GPCPD1: variants seen among roughly 807,000 people sequenced by gnomAD.
GPCPD1 encodes glycerophosphocholine phosphodiesterase GPCPD1.
A neutral mutation model predicts 89.2 loss-of-function variants in GPCPD1; 29 were observed. The observed-to-expected ratio is 0.33, with a 90% confidence interval of 0.24 to 0.44. GPCPD1 has a LOEUF of 0.44. Ranked by LOEUF, GPCPD1 falls within the 20% of genes least tolerant of loss-of-function variation. The probability of loss-of-function intolerance (pLI) is 1.00; values close to 1 mark genes in which losing one functional copy is unlikely to be tolerated. For missense variants in GPCPD1, 594 were observed against 808.9 expected (o/e 0.73, Z 3.22); for synonymous variants, 258 against 266.3 (o/e 0.97, Z 0.30).
chr20:5,562,262 T>A (rs74565340), intron 15 of GPCPD1, among the ~76,000 whole-genome samples: 5,898 of 152,098 alleles, frequency 0.039, 154 homozygotes, highest in Non-Finnish European at 0.062. Context: ...CAGGGCAAAA[T>A]GAATTTGACA....
chr20:5,605,494 A>G (rs905781135), intron 1 of GPCPD1, among the ~76,000 whole-genome samples: 1 of 151,540 alleles, frequency 6.6e-6, no homozygotes, highest in African/African-American at 2.4e-5. Flanking sequence ...AAAGAAAAGA[A>G]GGAGTCCAGG....
chr20:5,567,077 T>C (rs958110192), intron 13 of GPCPD1, among the ~76,000 whole-genome samples: 2 of 152,160 alleles, frequency 1.3e-5, no homozygotes, highest in African/African-American at 4.8e-5. Context: ...TAAAATTACA[T>C]GATACAAAAT....
intron 18 of GPCPD1, 58 bp from the exon 19 acceptor site, chr20:5,558,163 G>T: frequency 9.5e-7 from 1 of 1,048,330 alleles, no homozygotes; most frequent in Non-Finnish European, 1.4e-6. Context: ...AAAGCTAAAT[G>T]CTCACACTCT....
In GPCPD1 at chr20:5,547,529, G is replaced by C. The variant is rs1985092980; in HGVS notation, c.*132C>G. The C allele has an allele frequency of 2.0e-6, 1 of 499,156 alleles. No individual in the cohort carries two copies. Among genetic ancestry groups the C allele is most frequent in the African/African-American group, 1.9e-5 (1 of 51,360 alleles). 30.9% of individuals were successfully genotyped at this position (499,156 alleles called of 1,614,324 possible). On this transcript the variant is annotated 3_prime_UTR_variant, in exon 20 of 20. Transcript: ENST00000379019. ...CATACTTGCAAGAACTGTAGTGAAA[G>C]AGTTAAATACTTCATTATTGCTTCA...
chr20:5,560,543 A>T (rs1408314743), intron 16 of GPCPD1, among the ~76,000 whole-genome samples: 1 of 152,230 alleles, frequency 6.6e-6, no homozygotes, highest in Non-Finnish European at 1.5e-5. Flanking sequence ...AAAGTAACTC[A>T]ATAAATATAG....
intron 1 of GPCPD1, among the ~76,000 whole-genome samples, chr20:5,608,638 A>T (rs1191142444): frequency 2.0e-5 from 3 of 152,176 alleles, no homozygotes; most frequent in Admixed American, 6.5e-5. Flanking sequence ...AAAAAATCAC[A>T]ACTTGGAAAG....
chr20:5,598,741 T>C lies in GPCPD1; in HGVS notation c.130A>G (p.Asn44Asp). 6.2e-7 allele frequency: 1 copy of C among 1,606,988 alleles called. No homozygotes were observed. Among genetic ancestry groups the C allele is most frequent in the Non-Finnish European group, 8.5e-7 (1 of 1,173,406 alleles). ...CATACTCACCTTTCACCTGTGTCAT[T>C]CTCTGGAAGAAGAGCCACAGCATTT... ...PQNAVALLPE[N>D]DTGESMLWKA... The change falls in exon 3 of 20, where the codon AAT becomes GAT. Residue 44 changes from asparagine to aspartate, a missense_variant. By Grantham distance (23) the Asn-to-Asp change is conservative (BLOSUM62 1). Coordinates refer to ENST00000379019, the MANE Select transcript of GPCPD1 (RefSeq NM_019593.5).
chr20:5,605,023 T>C (rs1462316379), intron 1 of GPCPD1, among the ~76,000 whole-genome samples: 1 of 151,614 alleles, frequency 6.6e-6, no homozygotes, highest in African/African-American at 2.4e-5. Flanking sequence ...GAATCTCAAT[T>C]ATGAGCAAAA....
intron 12 of GPCPD1, among the ~76,000 whole-genome samples, chr20:5,568,379 A>G (rs1315908133): frequency 6.6e-6 from 1 of 151,912 alleles, no homozygotes. Flanking sequence ...GAACAAGGAA[A>G]AACAGGAAAG....
intron 19 of GPCPD1, chr20:5,548,755 G>C (rs1985186066): frequency 3.6e-6 from 1 of 276,106 alleles, no homozygotes; most frequent in African/African-American, 2.2e-5. Flanking sequence ...TTGTCAGTGA[G>C]AGAACTGAAA....
chr20:5,557,462 A>G (rs1288481967), intron 19 of GPCPD1, among the ~76,000 whole-genome samples: 1 of 152,208 alleles, frequency 6.6e-6, no homozygotes, highest in Non-Finnish European at 1.5e-5. Flanking sequence ...GAGATAAAGA[A>G]CAGAGTCATG....
At chr20:5,598,127 G>A (rs1383574306) in intron 3 of GPCPD1, among the ~76,000 whole-genome samples, 1 of 152,062 alleles carries the variant, frequency 6.6e-6, no homozygotes, top group African/African-American at 2.4e-5. Context: ...CTCAAGTCCA[G>A]GAATTTGAGA....
intron 3 of GPCPD1, among the ~76,000 whole-genome samples, chr20:5,596,245 T>A (rs77809622): frequency 0.02 from 3,012 of 151,340 alleles, 57 homozygotes; most frequent in Non-Finnish European, 0.033. Context: ...TATAAAAAAA[T>A]TTTAATGAGC....
At chr20:5,596,708 C>T (rs888773381) in intron 3 of GPCPD1, among the ~76,000 whole-genome samples, 1 of 152,148 alleles carries the variant, frequency 6.6e-6, no homozygotes, top group Admixed American at 6.6e-5. Flanking sequence ...TAAGAGAAAG[C>T]TTAAGACGCT....
chr20:5,604,503 A>C, intron 1 of GPCPD1, 63 bp from the exon 2 acceptor site: 2 of 720,710 alleles, frequency 2.8e-6, no homozygotes, highest in South Asian at 3.4e-5. Flanking sequence ...GCCACCATCA[A>C]GAAACAACTT....
intron 12 of GPCPD1, among the ~76,000 whole-genome samples, chr20:5,569,503 C>CG (rs1016352060): frequency 2.0e-5 from 3 of 151,736 alleles, no homozygotes; most frequent in African/African-American, 4.8e-5. Flanking sequence ...TCTGGATCCC[C>CG]CCCCGCCATT....
chr20:5,601,017 A>G (rs1980096266), intron 2 of GPCPD1, among the ~76,000 whole-genome samples: 1 of 151,848 alleles, frequency 6.6e-6, no homozygotes. Context: ...AATAAAATAG[A>G]TAAAAACACA....
chr20:5,594,799 G>A (rs780479185), intron 3 of GPCPD1, among the ~76,000 whole-genome samples: 4 of 152,306 alleles, frequency 2.6e-5, no homozygotes, highest in Admixed American at 6.5e-5. Flanking sequence ...CAGATACTGT[G>A]TTTTTTACAA....
intron 4 of GPCPD1, among the ~76,000 whole-genome samples, chr20:5,591,239 G>A (rs1418091158): frequency 5.9e-5 from 9 of 152,150 alleles, no homozygotes; most frequent in East Asian, 1.9e-4. Context: ...AAGAGAACAC[G>A]TCATTGTGAA....
Sources: allele counts gnomAD v4.1 joint callset (sites outside exome capture counted in the v4.1 genomes callset), GRCh38; gene constraint gnomAD v4.1.1; transcripts MANE v1.5; gene names NCBI Gene and HGNC (gene_info 2026-07-23, HGNC 2026-07-21).